Variants in COL17A1 observed in about 807,000 individuals in gnomAD.
COL17A1 encodes the protein collagen alpha-1(XVII) chain.
A neutral mutation model predicts 218.4 loss-of-function variants in COL17A1; 181 were observed. The ratio of observed to expected loss-of-function variants is 0.83; its 90% CI spans 0.73 to 0.94. The LOEUF is 0.94. COL17A1 is among the 40% of genes least tolerant of loss of function. The pLI, the probability that COL17A1 is intolerant of heterozygous loss-of-function variation, is 0.00. For synonymous variants in COL17A1, 721 were observed against 731.0 expected, an observed-to-expected ratio of 0.99 and a Z score of 0.22; for missense variants, 1,924 against 1,945.9, an observed-to-expected ratio of 0.99 and a Z score of 0.21.
At chr10:104,068,729 T>C (rs116992146) in intron 9 of COL17A1, among the ~76,000 whole-genome samples, 1,815 of 152,308 alleles carry the variant, frequency 0.012, 17 homozygotes, top group Admixed American at 0.022. Context: ...TAGGCAAAAC[T>C]ATAGAAGCTG....
Position 104,045,773 on chromosome 10 carries a change from G to A in COL17A1, c.2383C>T (p.Arg795Ter), listed in dbSNP as rs1277370326. 7 of 1,612,448 alleles carry A rather than the reference G, an allele frequency of 4.3e-6. No individual in the cohort carries two copies. The highest frequency in any genetic ancestry group is 1.3e-5 in the African/African-American group (1 of 74,900). The change falls in exon 33 of 56, where the codon CGA becomes TGA. Residue 795 changes from arginine to a stop codon, truncating the protein, a stop_gained. Transcript: ENST00000648076. LOFTEE classifies it high-confidence loss of function. ...ATTCACTTACCTTTTATTCCTGGTC[G>A]GCCAGGGGTACCGGGAAGTCCTGAT... is the stretch of plus-strand genomic sequence containing the variant. The part of the protein sequence containing the change: ...GPQGLPGTPG[R>*]PGIKGEPGAP...
At chr10:104,067,890 A>G (rs968350570) in intron 9 of COL17A1, among the ~76,000 whole-genome samples, 1 of 152,188 alleles carries the variant, frequency 6.6e-6, no homozygotes, top group Non-Finnish European at 1.5e-5. Flanking sequence ...GAGACGGGAA[A>G]AGACAGAGAT....
intron 33 of COL17A1, among the ~76,000 whole-genome samples, 171 bp from the exon 34 acceptor site, chr10:104,044,031 C>CA (rs1828175831): frequency 1.3e-5 from 2 of 152,236 alleles, no homozygotes. Flanking sequence ...CATTAAGCCC[C>CA]AATCTTTCAG....
intron 47 of COL17A1, 25 bp downstream of exon 47, chr10:104,037,020 C>T (rs1426809452): frequency 6.3e-7 from 1 of 1,588,758 alleles, no homozygotes. Context: ...TAGTCCCACC[C>T]TCGATCCCCC....
At position 104,037,865 on chromosome 10, in the gene COL17A1, GC is replaced by G. The variant is rs948454032; in HGVS notation, c.3071-93del. ...ACCTGAAGCACATGATAACATGCCT[GC>G]CCCGCCCCACACATGGGCCCAAGGC... On this transcript the variant is annotated intron_variant, in intron 45 of 55. Transcript: ENST00000648076. The G allele has an allele frequency of 2.7e-5, 41 of 1,497,384 alleles. No homozygotes were observed. The East Asian group carries it at 4.9e-4, about 18-fold the overall frequency. The allele number at this position is 1,497,384 out of a possible 1,614,324, so 92.8% of individuals were successfully genotyped here. A position where few individuals can be genotyped will look rare whatever the true frequency, so the allele number is the denominator to read the frequency against.
In COL17A1 at chr10:104,077,414, G is replaced by A; in HGVS notation, c.202+8C>T. 6.2e-7 allele frequency: 1 copy of A among 1,605,836 alleles called. No homozygotes were observed. The highest frequency in any genetic ancestry group is 2.2e-5 in the East Asian group (1 of 44,810). On this transcript the variant is annotated splice_region_variant and intron_variant, in intron 4 of 55. Transcript: ENST00000648076. The stretch of plus-strand genomic sequence containing the variant: ...CTTCCCTGACCTCTTGCACTAGTGG[G>A]CACTCACTTGAGTTTATGTAGCCGC...
At position 104,034,116 on chromosome 10, in the gene COL17A1, C is replaced by G; in HGVS notation, c.3985G>C (p.Glu1329Gln). ...TAGGGACCCCTGTCTCCTGCAGCTT[C>G]ACCAAAGGCACCGCCTGCACCCAGG... ...GSLGAGGAFG[E>Q]AAGDRGPYGT... Residue 1329 changes from glutamate (E) to glutamine (Q), a missense_variant, in exon 52 of 56, where the codon GAA becomes CAA. Coordinates refer to ENST00000648076, the MANE Select transcript of COL17A1 (RefSeq NM_000494.4). The G allele has an allele frequency of 1.9e-6, 3 of 1,614,118 alleles. No individual in the cohort carries two copies. The highest frequency in any genetic ancestry group is 2.5e-6 in the Non-Finnish European group (3 of 1,180,042).
At chr10:104,061,179 C>T (rs1288393653) in intron 13 of COL17A1, among the ~76,000 whole-genome samples, 1 of 152,116 alleles carries the variant, frequency 6.6e-6, no homozygotes, top group Non-Finnish European at 1.5e-5. Context: ...GAGCTTCCTG[C>T]CCCCTTCTGA....
At position 104,035,383 on chromosome 10, in the gene COL17A1, C is replaced by G; in HGVS notation, c.3509-10G>C. On this transcript the variant is annotated splice_polypyrimidine_tract_variant and intron_variant, in intron 49 of 55. Coordinates refer to ENST00000648076, the MANE Select transcript of COL17A1 (RefSeq NM_000494.4). Reference sequence around the variant, plus strand: ...CCTCTGAATTCAGACCCTGAGACACCAAGGGAGGGCACGGAGTCAGTCCTG... The same window carrying G: ...CCTCTGAATTCAGACCCTGAGACACGAAGGGAGGGCACGGAGTCAGTCCTG... 6.2e-7 allele frequency: 1 copy of G among 1,613,758 alleles called. No homozygotes were observed. The highest frequency in any genetic ancestry group is 8.5e-7 in the Non-Finnish European group (1 of 1,179,726).
At chr10:104,072,665 C>T (rs1282977460) in intron 7 of COL17A1, among the ~76,000 whole-genome samples, 1 of 152,152 alleles carries the variant, frequency 6.6e-6, no homozygotes, top group Non-Finnish European at 1.5e-5. Flanking sequence ...AGAATTCTGC[C>T]TTCAGCTCAG....
At chr10:104,076,852 T>C (rs529783947) in intron 4 of COL17A1, among the ~76,000 whole-genome samples, 1 of 152,312 alleles carries the variant, frequency 6.6e-6, no homozygotes, top group East Asian at 1.9e-4. Flanking sequence ...CTTCTTGTTT[T>C]TGTTTTGTTT....
Position 104,041,087 on chromosome 10 carries a change from T to C in COL17A1, c.2679A>G (p.Pro893=). 6.2e-7 allele frequency: 1 copy of C among 1,613,994 alleles called. No individual in the cohort carries two copies. The highest frequency in any genetic ancestry group is 1.1e-5 in the South Asian group (1 of 91,072). ...GEGLPGPPGP[P]GSFLSNSETF... Reference sequence around the variant, plus strand: ...TACCTGAGTTGGACAGGAACGATCCTGGTGGGCCTGGTGGGCCTGGCAAAC... The same window carrying C: ...TACCTGAGTTGGACAGGAACGATCCCGGTGGGCCTGGTGGGCCTGGCAAAC... The change falls in exon 39 of 56, where the codon CCA becomes CCG. Residue 893 remains proline, a synonymous_variant. Coordinates refer to ENST00000648076, the MANE Select transcript of COL17A1 (RefSeq NM_000494.4).
At chr10:104,036,435 A>T in intron 48 of COL17A1, 57 bp downstream of exon 48, 1 of 1,611,028 alleles carries the variant, frequency 6.2e-7, no homozygotes, top group South Asian at 1.1e-5. Flanking sequence ...TCACGCTGCG[A>T]GTCCTCATCC....
chr10:104,038,841 T>C (rs1407652351), intron 44 of COL17A1, among the ~76,000 whole-genome samples: 2 of 152,188 alleles, frequency 1.3e-5, no homozygotes, highest in Non-Finnish European at 2.9e-5. Flanking sequence ...TTCTCCATCA[T>C]GCGGTGTCTG....
At position 104,047,677 on chromosome 10, in the gene COL17A1, CCACA is replaced by C. The variant is rs768709877; in HGVS notation, c.2335+58_2335+61del. 1.3e-5 allele frequency: 18 copies of C among 1,367,340 alleles called. No homozygotes were observed. The East Asian group carries it at 1.6e-4, about 12-fold the overall frequency. 84.7% of individuals were successfully genotyped at this position (1,367,340 alleles called of 1,614,324 possible). A position where few individuals can be genotyped will look rare whatever the true frequency, so the allele number is the denominator to read the frequency against. On this transcript the variant is annotated intron_variant, in intron 31 of 55. Transcript: ENST00000648076. Reference sequence around the variant, plus strand: ...TGCACACGCACACACATGCCTACATCCACACACACAAAGCACACACACACTAAGC... The same window carrying C: ...TGCACACGCACACACATGCCTACATCCACACAAAGCACACACACACTAAGC...
At chr10:104,055,669 G>A in intron 18 of COL17A1, 113 bp downstream of exon 18, 1 of 1,432,578 alleles carries the variant, frequency 7.0e-7, no homozygotes, top group East Asian at 2.4e-5. Context: ...GGGGAGGAGA[G>A]AGGCCGAGAG....
chr10:104,048,247 A>G, intron 29 of COL17A1, 143 bp from the exon 30 acceptor site: 1 of 838,818 alleles, frequency 1.2e-6, no homozygotes, highest in Non-Finnish European at 2.1e-6. Context: ...TGTCTGTCAC[A>G]CTCTCTGGAT....
rs200670018 is a variant in COL17A1, at chr10:104,033,910, C to T, written c.4156+35G>A. Reference sequence around the variant, plus strand: ...GTCTGGAGATGCTCCCACGCTCCTTCCCCCCAGCACCAAGGCCTAAATGTC... The same window carrying T: ...GTCTGGAGATGCTCCCACGCTCCTTTCCCCCAGCACCAAGGCCTAAATGTC... On this transcript the variant is annotated intron_variant, in intron 52 of 55. Transcript: ENST00000648076. 15 of 1,613,298 alleles carry T rather than the reference C, an allele frequency of 9.3e-6. No homozygotes were observed. The East Asian group carries it at 1.1e-4, about 12-fold the overall frequency.
At position 104,032,265 on chromosome 10, in the gene COL17A1, TCTC is replaced by T; in HGVS notation, c.4461_4463del (p.Arg1491del). 6.2e-7 allele frequency: 1 copy of T among 1,614,022 alleles called. No homozygotes were observed. Among genetic ancestry groups the T allele is most frequent in the Admixed American group, 1.7e-5 (1 of 60,024 alleles). The stretch of plus-strand genomic sequence containing the variant: ...GCTTGACAGCAATACTTCTTCTCCT[TCTC>T]CGCCCAGCATAGACTTGGTCACCTG... On this transcript the variant is annotated inframe_deletion, in exon 56 of 56. Coordinates refer to ENST00000648076, the MANE Select transcript of COL17A1 (RefSeq NM_000494.4).
Sources: gnomAD v4.1 joint callset for allele counts (sites outside exome capture counted in the v4.1 genomes callset) on GRCh38, gnomAD v4.1.1 for gene constraint, MANE v1.5 for transcripts, NCBI Gene and HGNC (gene_info 2026-07-23, HGNC 2026-07-21) for gene names.